SLX4IP: variants seen among roughly 807,000 people sequenced by gnomAD.
SLX4IP encodes protein SLX4IP.
In SLX4IP, 34 loss-of-function variants were observed where a neutral mutation model predicts 32.9. That is an observed-to-expected ratio of 1.03 (90% CI 0.79 to 1.38). The LOEUF (loss-of-function observed/expected upper bound fraction) is 1.38, where lower values mean the gene tolerates loss of function less well. Among genes scored for constraint, SLX4IP ranks in the 40% most tolerant of loss-of-function variants. The pLI is 0.00. For missense variants in SLX4IP, 444 were observed against 479.0 expected, an observed-to-expected ratio of 0.93 and a Z score of 0.68; for synonymous variants, 172 against 171.7, an observed-to-expected ratio of 1.00 and a Z score of -0.01.
chr20:10,511,382 G>C (rs775934396), intron 2 of SLX4IP, among the ~76,000 whole-genome samples: 20 of 152,148 alleles, frequency 1.3e-4, no homozygotes, highest in Non-Finnish European at 2.4e-4. Flanking sequence ...CTGCCCTAGG[G>C]ATACTGTCAG....
At chr20:10,568,741 T>G (rs1165326046) in intron 4 of SLX4IP, among the ~76,000 whole-genome samples, 2 of 152,202 alleles carry the variant, frequency 1.3e-5, no homozygotes, top group East Asian at 1.9e-4. Flanking sequence ...TCTCACTCCC[T>G]GAAACATGAA....
At chr20:10,464,036 A>C (rs2065360387) in intron 2 of SLX4IP, among the ~76,000 whole-genome samples, 1 of 152,240 alleles carries the variant, frequency 6.6e-6, no homozygotes, top group Non-Finnish European at 1.5e-5. Context: ...AACTGAAATA[A>C]TAAGACATTC....
intron 4 of SLX4IP, among the ~76,000 whole-genome samples, chr20:10,562,040 G>T (rs943803300): frequency 2.0e-5 from 3 of 152,114 alleles, no homozygotes; most frequent in Non-Finnish European, 4.4e-5. Flanking sequence ...GGAAGCATGG[G>T]CTCCAATCCT....
At chr20:10,533,742 C>T (rs1482424608) in intron 2 of SLX4IP, among the ~76,000 whole-genome samples, 1 of 151,778 alleles carries the variant, frequency 6.6e-6, no homozygotes, top group African/African-American at 2.4e-5. Context: ...ACCTCAGCCT[C>T]CAGAGTAGCT....
intron 1 of SLX4IP, among the ~76,000 whole-genome samples, chr20:10,438,135 A>ACAGTT (rs1480348429): frequency 1.3e-5 from 2 of 152,160 alleles, no homozygotes; most frequent in African/African-American, 2.4e-5. Context: ...GAAAGGTATT[A>ACAGTT]CAGTTCTGTG....
intron 4 of SLX4IP, among the ~76,000 whole-genome samples, chr20:10,573,708 A>AT: frequency 6.6e-6 from 1 of 152,266 alleles, no homozygotes; most frequent in East Asian, 1.9e-4. Flanking sequence ...TAGACATTGT[A>AT]TTTTTTCTAT....
intron 4 of SLX4IP, among the ~76,000 whole-genome samples, chr20:10,573,051 G>A (rs777930812): frequency 1.3e-5 from 2 of 152,076 alleles, no homozygotes; most frequent in Non-Finnish European, 2.9e-5. Context: ...CCCAACACCC[G>A]ATGCATGATA....
intron 2 of SLX4IP, among the ~76,000 whole-genome samples, chr20:10,465,076 G>A (rs770604580): frequency 6.6e-5 from 10 of 152,114 alleles, no homozygotes; most frequent in Non-Finnish European, 1.5e-4. Context: ...AGACTTCTGG[G>A]CTACTGCAGC....
At chr20:10,485,428 C>A (rs774447956) in intron 2 of SLX4IP, among the ~76,000 whole-genome samples, 1 of 151,966 alleles carries the variant, frequency 6.6e-6, no homozygotes, top group Non-Finnish European at 1.5e-5. Context: ...ACGGTGAAAC[C>A]CTTTCTCTAC....
chr20:10,458,059 C>T (rs1659307750), intron 1 of SLX4IP, 117 bp from the exon 2 acceptor site: 2 of 536,182 alleles, frequency 3.7e-6, no homozygotes, highest in Non-Finnish European at 6.1e-6. Flanking sequence ...TATAAGTGAA[C>T]ATTCATCTCA....
chr20:10,562,755 A>G (rs1353125531), intron 4 of SLX4IP, among the ~76,000 whole-genome samples: 1 of 152,110 alleles, frequency 6.6e-6, no homozygotes, highest in Non-Finnish European at 1.5e-5. Context: ...TTTTGTATAT[A>G]TTGCTGAATA....
chr20:10,613,956 G>T, intron 6 of SLX4IP: 1 of 1,163,022 alleles, frequency 8.6e-7, no homozygotes. Flanking sequence ...GAGCACAGGA[G>T]AGTCCTCGTC....
Position 10,592,879 on chromosome 20 carries a change from A to G in SLX4IP, c.239-5796A>G, listed in dbSNP as rs192081387. Reference sequence around the variant, plus strand: ...GATCTCCTGACCTCGTGATCTGCCCACCTTGGCCTCCCAAAGTGCTGGGAT... The same window carrying G: ...GATCTCCTGACCTCGTGATCTGCCCGCCTTGGCCTCCCAAAGTGCTGGGAT... On this transcript the variant is annotated intron_variant, in intron 4 of 7. Transcript: ENST00000334534. Among the ~76,000 whole-genome samples, 515 of 151,992 alleles carry G rather than the reference A, an allele frequency of 3.4e-3. 2 individuals carry two copies. Among genetic ancestry groups the G allele is most frequent in the Non-Finnish European group, 5.1e-3 (344 of 67,960 alleles).
chr20:10,596,714 T>C (rs1355931558), intron 4 of SLX4IP, among the ~76,000 whole-genome samples: 1 of 152,210 alleles, frequency 6.6e-6, no homozygotes, highest in Non-Finnish European at 1.5e-5. Flanking sequence ...AAAATACTTT[T>C]AAATTTTGCT....
chr20:10,530,722 A>T (rs1281778942), intron 2 of SLX4IP, among the ~76,000 whole-genome samples: 2 of 152,226 alleles, frequency 1.3e-5, no homozygotes, highest in Non-Finnish European at 2.9e-5. Context: ...TGCTTTAAAA[A>T]TTGATTTGAT....
chr20:10,478,314 T>C (rs2065492087), intron 2 of SLX4IP, among the ~76,000 whole-genome samples: 1 of 152,222 alleles, frequency 6.6e-6, no homozygotes, highest in African/African-American at 2.4e-5. Flanking sequence ...GTTCAGTAGG[T>C]GTTTTTCCTG....
intron 2 of SLX4IP, among the ~76,000 whole-genome samples, chr20:10,540,242 C>T (rs1011965266): frequency 1.3e-4 from 19 of 151,070 alleles, no homozygotes; most frequent in African/African-American, 2.2e-4. Context: ...AATACCTAGC[C>T]GAGCACAAAG....
chr20:10,547,214 C>A (rs2066171250), intron 2 of SLX4IP, among the ~76,000 whole-genome samples: 1 of 152,218 alleles, frequency 6.6e-6, no homozygotes, highest in Non-Finnish European at 1.5e-5. Flanking sequence ...ATTTGATTTT[C>A]TCCTCCTTTT....
Position 10,568,869 on chromosome 20 carries a change from A to G in SLX4IP, c.238+8049A>G, listed in dbSNP as rs140355110. ...CTGTGCCCTTCGTGAGATGAATTTA[A>G]GCCACATTTCTAGATGTCACCCTCT... On this transcript the variant is annotated intron_variant, in intron 4 of 7. Transcript: ENST00000334534. 1.2e-4 allele frequency among the ~76,000 whole-genome samples: 19 copies of G among 152,342 alleles called. No homozygotes were observed. The East Asian group carries it at 3.5e-3, about 28-fold the overall frequency.
Sources: allele counts gnomAD v4.1 joint callset (sites outside exome capture counted in the v4.1 genomes callset), GRCh38; gene constraint gnomAD v4.1.1; transcripts MANE v1.5; gene names NCBI Gene and HGNC (gene_info 2026-07-23, HGNC 2026-07-21).